The following TNNI3K variants were observed in gnomAD, a reference collection of about 807,000 sequenced individuals.
TNNI3K encodes the protein serine/threonine-protein kinase TNNI3K.
TNNI3K carries 140 observed loss-of-function variants against 114.5 expected under a neutral mutation model. That is an observed-to-expected ratio of 1.22 (90% CI 1.07 to 1.41). The LOEUF is 1.41. Among genes scored for constraint, TNNI3K ranks in the 40% most tolerant of loss-of-function variants. The probability of loss-of-function intolerance (pLI) is 0.00; values close to 1 mark genes in which losing one functional copy is unlikely to be tolerated. For missense variants in TNNI3K, 1,125 were observed against 1,007.6 expected (o/e 1.12, Z -1.58); for synonymous variants, 347 against 347.5 (o/e 1.00, Z 0.02).
chr1:74,276,478 A>T (rs923793329), intron 5 of TNNI3K, among the ~76,000 whole-genome samples: 7 of 152,166 alleles, frequency 4.6e-5, no homozygotes, highest in African/African-American at 1.2e-4. Context: ...GAGTTAAAGG[A>T]TCCCAGGTAT....
intron 23 of TNNI3K, among the ~76,000 whole-genome samples, chr1:74,507,092 G>A (rs1669942167): frequency 6.6e-6 from 1 of 152,096 alleles, no homozygotes; most frequent in African/African-American, 2.4e-5. Context: ...ATATTACATA[G>A]TGTGCTGATC....
At chr1:74,472,303 C>A in intron 21 of TNNI3K, 1 of 621,148 alleles carries the variant, frequency 1.6e-6, no homozygotes, top group East Asian at 2.8e-5. Flanking sequence ...ACTGACTCCT[C>A]TGATAATTGC....
In TNNI3K at chr1:74,465,556, C is replaced by T. The variant is rs1667638724; in HGVS notation, c.2121+2006C>T. Among the ~76,000 whole-genome samples the T allele has an allele frequency of 2.0e-5, 3 of 152,172 alleles. No individual in the cohort carries two copies. In the South Asian group the frequency reaches 6.2e-4, roughly 31 times the overall value. ...CGAGTCCCCCCCCAACCGTGGGCTC[C>T]TGCGTGGCCCGAGCCTCTCCTATGG... On this transcript the variant is annotated intron_variant, in intron 21 of 24. Transcript: ENST00000326637.
intron 5 of TNNI3K, among the ~76,000 whole-genome samples, chr1:74,292,960 G>A (rs1289134064): frequency 4.6e-5 from 7 of 151,466 alleles, no homozygotes; most frequent in Admixed American, 3.9e-4. Context: ...TCTAGCAATG[G>A]TTTACTTTAC....
intron 11 of TNNI3K, among the ~76,000 whole-genome samples, chr1:74,364,803 T>C (rs1367368249): frequency 1.3e-5 from 2 of 151,320 alleles, no homozygotes; most frequent in African/African-American, 2.5e-5. Flanking sequence ...CCAAGGAATG[T>C]GGGTGGCCTA....
chr1:74,451,690 T>TTCTTTTCTTTTCTTTTC (rs1553148016), intron 20 of TNNI3K, among the ~76,000 whole-genome samples: 14 of 39,154 alleles, frequency 3.6e-4, no homozygotes, highest in African/African-American at 8.3e-4. Flanking sequence ...TTCTTTTCTT[T>TTCTTTTCTTTTCTTTTC]CTTTCTTTCT....
intron 17 of TNNI3K, among the ~76,000 whole-genome samples, chr1:74,402,733 A>C (rs1664430559): frequency 6.6e-6 from 1 of 152,206 alleles, no homozygotes; most frequent in African/African-American, 2.4e-5. Flanking sequence ...CCTTCTGGCT[A>C]TCAGCTGGAG....
chr1:74,363,445 C>T (rs1009429600), intron 11 of TNNI3K, among the ~76,000 whole-genome samples: 1 of 152,062 alleles, frequency 6.6e-6, no homozygotes, highest in Non-Finnish European at 1.5e-5. Context: ...TGATGAAAAG[C>T]ATCCCAAAGA....
chr1:74,447,203 C>A lies in TNNI3K; in HGVS notation c.2011+7581C>A, dbSNP rs1297623830. Among the ~76,000 whole-genome samples, 29 of 150,656 alleles carry A rather than the reference C, an allele frequency of 1.9e-4. No homozygotes were observed. In the South Asian group the frequency reaches 6.1e-3, roughly 32 times the overall value. ...GAATGTTCTTCCATTTGTTTGTATC[C>A]TCTTTTATTTCTTTGAGCAGTGGTT... On this transcript the variant is annotated intron_variant, in intron 20 of 24. Coordinates refer to ENST00000326637, the MANE Select transcript of TNNI3K (RefSeq NM_015978.3).
chr1:74,511,207 T>TC (rs35089642), intron 23 of TNNI3K, among the ~76,000 whole-genome samples: 1 of 150,822 alleles, frequency 6.6e-6, no homozygotes, highest in East Asian at 1.9e-4. Flanking sequence ...TTTTTTTTTT[T>TC]CCGAGATGGA....
At chr1:74,461,403 C>T (rs1382562586) in intron 20 of TNNI3K, among the ~76,000 whole-genome samples, 4 of 151,224 alleles carry the variant, frequency 2.6e-5, no homozygotes, top group Non-Finnish European at 5.9e-5. Context: ...TCACTTGAAC[C>T]CAGGAGGCAG....
Position 74,369,012 on chromosome 1 carries a change from C to T in TNNI3K, c.1322-10C>T. The T allele has an allele frequency of 6.3e-7, 1 of 1,590,378 alleles. No homozygotes were observed. Among genetic ancestry groups the T allele is most frequent in the Non-Finnish European group, 8.5e-7 (1 of 1,170,810 alleles). Reference sequence around the variant, plus strand: ...ACCTTAAAAAATAAAATGACAATTTCTCTTTGCAGAGAAGGCAGATATTCT... The same window carrying T: ...ACCTTAAAAAATAAAATGACAATTTTTCTTTGCAGAGAAGGCAGATATTCT... On this transcript the variant is annotated splice_polypyrimidine_tract_variant and intron_variant, in intron 13 of 24. Transcript: ENST00000326637.
chr1:74,467,585 C>A (rs1667733281), intron 21 of TNNI3K, among the ~76,000 whole-genome samples: 1 of 151,712 alleles, frequency 6.6e-6, no homozygotes. Flanking sequence ...ATATTTTTTT[C>A]TCTAAAGGAG....
rs187987419 is a variant in TNNI3K, at chr1:74,473,392, T to A, written c.2121+9842T>A. On this transcript the variant is annotated intron_variant, in intron 21 of 24. Coordinates refer to ENST00000326637, the MANE Select transcript of TNNI3K (RefSeq NM_015978.3). ...TGCATCTAAAATTTAAAATTATTTA[T>A]TAGTATACTTTCTATTGTTTCATGA... 8.1e-4 allele frequency among the ~76,000 whole-genome samples: 124 copies of A among 152,240 alleles called. 1 individual carries two copies. Among genetic ancestry groups the A allele is most frequent in the African/African-American group, 2.7e-3 (111 of 41,566 alleles).
intron 9 of TNNI3K, among the ~76,000 whole-genome samples, chr1:74,345,299 C>T (rs1161234120): frequency 6.6e-6 from 1 of 152,014 alleles, no homozygotes; most frequent in Non-Finnish European, 1.5e-5. Context: ...TGTATTGGTG[C>T]TACTGGGGAC....
At chr1:74,490,091 A>G (rs928444716) in intron 22 of TNNI3K, among the ~76,000 whole-genome samples, 2 of 149,210 alleles carry the variant, frequency 1.3e-5, no homozygotes, top group Admixed American at 6.7e-5. Context: ...ACTAAGAGTC[A>G]TTGGACCTAG....
At chr1:74,242,284 A>C (rs1242800645) in intron 2 of TNNI3K, among the ~76,000 whole-genome samples, 1 of 152,198 alleles carries the variant, frequency 6.6e-6, no homozygotes, top group Non-Finnish European at 1.5e-5. Context: ...ATGTACAAAA[A>C]AGTGGTCAAA....
intron 9 of TNNI3K, among the ~76,000 whole-genome samples, chr1:74,345,546 T>C (rs1385178106): frequency 6.6e-6 from 1 of 150,806 alleles, no homozygotes; most frequent in Non-Finnish European, 1.5e-5. Context: ...TTAGGCAAGC[T>C]TAGGCAAGGC....
At chr1:74,503,302 A>G (rs1669729164) in intron 23 of TNNI3K, among the ~76,000 whole-genome samples, 1 of 152,244 alleles carries the variant, frequency 6.6e-6, no homozygotes, top group African/African-American at 2.4e-5. Context: ...TTTAATATTT[A>G]TAAATTTAAT....
Sources: gnomAD v4.1 joint callset for allele counts (sites outside exome capture counted in the v4.1 genomes callset) on GRCh38, gnomAD v4.1.1 for gene constraint, MANE v1.5 for transcripts, NCBI Gene and HGNC (gene_info 2026-07-23, HGNC 2026-07-21) for gene names.